EXOSC4: variants seen among roughly 807,000 people sequenced by gnomAD.
EXOSC4 encodes exosome complex component RRP41.
Under a neutral mutation model 20.0 loss-of-function variants are expected in EXOSC4, and 14 were observed. That is an observed-to-expected ratio of 0.70 (90% CI 0.46 to 1.09). The LOEUF (loss-of-function observed/expected upper bound fraction) is 1.09, where lower values mean the gene tolerates loss of function less well. Among genes scored for constraint, EXOSC4 ranks in the 50% least tolerant of loss-of-function variants. EXOSC4 has a pLI of 0.00. For synonymous variants in EXOSC4, 148 were observed against 146.4 expected (o/e 1.01, Z -0.08); for missense variants, 337 against 334.0 (o/e 1.01, Z -0.07).
At chr8:144,065,732 C>G in the EXOSC4 span, among the ~76,000 whole-genome samples, 1 of 151,882 alleles carries the variant, frequency 6.6e-6, no homozygotes, top group Non-Finnish European at 1.5e-5. Flanking sequence ...AAGACTCTGT[C>G]TCAACTACAA....
At chr8:144,076,565 T>C (rs183664557), upstream of EXOSC4, among the ~76,000 whole-genome samples, 51 of 152,132 alleles carry the variant, frequency 3.4e-4, 1 homozygote, top group African/African-American at 1.0e-3. Flanking sequence ...TGCTGCCAGG[T>C]TGGAGGCCTG....
chr8:144,072,642 G>C, the EXOSC4 span, among the ~76,000 whole-genome samples: 27 of 152,302 alleles, frequency 1.8e-4, no homozygotes, highest in East Asian at 5.0e-3. Context: ...CCACATGTGA[G>C]TGAGAGCATT....
Position 144,080,198 on chromosome 8 carries a change from T to C in EXOSC4, c.379-44T>C, listed in dbSNP as rs1304642752. 2.5e-6 allele frequency: 4 copies of C among 1,607,976 alleles called. No homozygotes were observed. The highest frequency in any genetic ancestry group is 1.3e-5 in the African/African-American group (1 of 74,748). On this transcript the variant is annotated intron_variant, in intron 2 of 2. Transcript: ENST00000316052. This position sits in a 1 kb window ranked among gnomAD's most constrained non-coding sequence, Gnocchi z 4.9. The stretch of plus-strand genomic sequence containing the variant: ...CCAGGGAGGGAAGGGTGTGATGGGG[T>C]TGGGGAGGGAGTCTGATAGACTGAC...
chr8:144,075,699 G>T (rs1438710510), upstream of EXOSC4, among the ~76,000 whole-genome samples: 1 of 152,322 alleles, frequency 6.6e-6, no homozygotes, highest in Admixed American at 6.5e-5. Context: ...AGAAGGTTAC[G>T]TTATAAAAAG....
the EXOSC4 span, among the ~76,000 whole-genome samples, chr8:144,070,875 AG>A: frequency 6.6e-6 from 1 of 151,956 alleles, no homozygotes; most frequent in Non-Finnish European, 1.5e-5. Context: ...GACCTACAGG[AG>A]CCTCATTGGC....
At chr8:144,079,153 C>G (rs1018933241) in intron 1 of EXOSC4, 2 of 387,416 alleles carry the variant, frequency 5.2e-6, no homozygotes, top group Non-Finnish European at 9.2e-6. Flanking sequence ...GGCACTCCCC[C>G]ACTCGCTCCC....
At chr8:144,067,702 A>G in the EXOSC4 span, among the ~76,000 whole-genome samples, 1 of 152,246 alleles carries the variant, frequency 6.6e-6, no homozygotes, top group Non-Finnish European at 1.5e-5. Flanking sequence ...ACAGTTCAAG[A>G]TGAACAAAGA....
chr8:144,074,406 G>T (rs2129909950), upstream of EXOSC4, among the ~76,000 whole-genome samples: 1 of 152,218 alleles, frequency 6.6e-6, no homozygotes, highest in South Asian at 2.1e-4. Context: ...AGTCATTCTG[G>T]TGTAGAAATG....
upstream of EXOSC4, among the ~76,000 whole-genome samples, chr8:144,075,573 A>G (rs1342437941): frequency 8.5e-5 from 13 of 152,108 alleles, no homozygotes; most frequent in African/African-American, 2.4e-4. Context: ...GGGTTTTGCC[A>G]TGTTGTCCAA....
the EXOSC4 span, among the ~76,000 whole-genome samples, chr8:144,067,261 T>G: frequency 6.6e-6 from 1 of 152,204 alleles, no homozygotes; most frequent in African/African-American, 2.4e-5. Context: ...TGGACTTTAC[T>G]CCCATGATTA....
chr8:144,074,192 G>C (rs1011204152), upstream of EXOSC4, among the ~76,000 whole-genome samples: 1 of 152,186 alleles, frequency 6.6e-6, no homozygotes, highest in Non-Finnish European at 1.5e-5. Context: ...ATTTGCAAAA[G>C]TGAAATATTT....
rs782255719 is a variant in EXOSC4, at chr8:144,078,812, G to C, written c.84G>C (p.Arg28=). ...GGGAGCTGCGCAAGATCCAGGCGCG[G>C]ATGGGCGTGTTCGCGCAGGCTGACG... The part of the protein sequence containing the change: ...RAGELRKIQA[R]MGVFAQADGS... The change falls in exon 1 of 3, where the codon CGG becomes CGC. Residue 28 remains arginine, a synonymous_variant. Transcript: ENST00000316052. This position sits in a 1 kb window ranked among gnomAD's most constrained non-coding sequence, Gnocchi z 4.7. 6.3e-7 allele frequency: 1 copy of C among 1,579,250 alleles called. No homozygotes were observed.
chr8:144,080,185 G>A lies in EXOSC4; in HGVS notation c.378+36G>A. 2 of 1,607,914 alleles carry A rather than the reference G, an allele frequency of 1.2e-6. No homozygotes were observed. Among genetic ancestry groups the A allele is most frequent in the Non-Finnish European group, 1.7e-6 (2 of 1,175,668 alleles). On this transcript the variant is annotated intron_variant, in intron 2 of 2. Transcript: ENST00000316052. This position sits in a 1 kb window ranked among gnomAD's most constrained non-coding sequence, Gnocchi z 4.9. ...TGCAGCCGTCAATCCAGGGAGGGAA[G>A]GGTGTGATGGGGTTGGGGAGGGAGT...
At chr8:144,067,954 G>A in the EXOSC4 span, among the ~76,000 whole-genome samples, 13 of 152,358 alleles carry the variant, frequency 8.5e-5, no homozygotes, top group African/African-American at 1.9e-4. Context: ...TCAACCTGCC[G>A]AAACAACCTG....
Position 144,080,024 on chromosome 8 carries a change from G to A in EXOSC4, c.253G>A (p.Glu85Lys). The A allele has an allele frequency of 5.6e-6, 9 of 1,614,110 alleles. No homozygotes were observed. The highest frequency in any genetic ancestry group is 7.6e-6 in the Non-Finnish European group (9 of 1,180,034). ...QYSSATFSTG[E>K]RKRRPHGDRK... ...TAGTTCAGCGACCTTCAGCACAGGT[G>A]AGCGCAAGCGACGGCCACATGGGGA... Residue 85 changes from glutamate to lysine, a missense_variant, in exon 2 of 3, where the codon GAG (glutamate) becomes AAG (lysine). By Grantham distance (56) the Glu-to-Lys change is moderately conservative. Coordinates refer to ENST00000316052, the MANE Select transcript of EXOSC4 (RefSeq NM_019037.3). The surrounding 1 kb of genome is among the most constrained non-coding windows in gnomAD (Gnocchi z 4.9).
At chr8:144,066,251 C>T in the EXOSC4 span, among the ~76,000 whole-genome samples, 5 of 151,534 alleles carry the variant, frequency 3.3e-5, no homozygotes, top group East Asian at 7.8e-4. Context: ...TATCTCCTGA[C>T]CTCGTGATCC....
At chr8:144,065,981 T>A in the EXOSC4 span, among the ~76,000 whole-genome samples, 1 of 149,002 alleles carries the variant, frequency 6.7e-6, no homozygotes, top group Admixed American at 6.7e-5. Flanking sequence ...TGGCTAGTTT[T>A]TTTGTTTTTT....
upstream of EXOSC4, chr8:144,078,617 T>G: frequency 8.3e-7 from 1 of 1,206,862 alleles, no homozygotes; most frequent in Non-Finnish European, 1.1e-6. The surrounding 1 kb of genome is among the most constrained non-coding windows in gnomAD (Gnocchi z 4.7). Flanking sequence ...GAACCGGAAG[T>G]GATGGCGGAC....
Position 144,080,521 on chromosome 8 carries a change from G to A in EXOSC4, c.658G>A (p.Ala220Thr). The change falls in exon 3 of 3, where the codon GCT becomes ACT. Residue 220 changes from alanine to threonine, a missense_variant. By Grantham distance (58) the Ala-to-Thr change is moderately conservative (BLOSUM62 0). Transcript: ENST00000316052. This position sits in a 1 kb window ranked among gnomAD's most constrained non-coding sequence, Gnocchi z 4.9. ...GCGGGTGTTGGAGGCTGCTGCCCAG[G>A]CTGCCCGAGATGTGCACACCCTCTT... is the stretch of plus-strand genomic sequence containing the variant. ...LERVLEAAAQ[A>T]ARDVHTLLDR... 2 of 1,603,928 alleles carry A rather than the reference G, an allele frequency of 1.2e-6. No individual in the cohort carries two copies. The highest frequency in any genetic ancestry group is 1.7e-6 in the Non-Finnish European group (2 of 1,179,982).
Sources: gnomAD v4.1 joint callset for allele counts (sites outside exome capture counted in the v4.1 genomes callset) on GRCh38, gnomAD v4.1.1 for gene constraint, Gnocchi (gnomAD v3.1) non-coding constraint, MANE v1.5 for transcripts, NCBI Gene and HGNC (gene_info 2026-07-23, HGNC 2026-07-21) for gene names.